The following SGCG variants were observed in gnomAD, a reference collection of about 807,000 sequenced individuals.
The protein encoded by SGCG is gamma-sarcoglycan.
SGCG carries 26 observed loss-of-function variants against 29.3 expected under a neutral mutation model. That is an observed-to-expected ratio of 0.89 (90% CI 0.65 to 1.23). The LOEUF is 1.23. SGCG is among the 50% of genes most tolerant of loss of function. The pLI, the probability that SGCG is intolerant of heterozygous loss-of-function variation, is 0.00. For synonymous variants in SGCG, 145 were observed against 129.7 expected, an observed-to-expected ratio of 1.12 and a Z score of -0.80; for missense variants, 353 against 356.0, an observed-to-expected ratio of 0.99 and a Z score of 0.07.
chr13:23,191,951 G>A (rs1387949117), intron 1 of SGCG, among the ~76,000 whole-genome samples: 2 of 152,082 alleles, frequency 1.3e-5, no homozygotes, highest in East Asian at 1.9e-4. Context: ...TTAGGTGGGC[G>A]GATCACGAGG....
intron 2 of SGCG, among the ~76,000 whole-genome samples, chr13:23,207,463 T>C (rs1162480086): frequency 6.6e-6 from 1 of 152,050 alleles, no homozygotes; most frequent in Admixed American, 6.6e-5. Flanking sequence ...AATAGACAAA[T>C]GGGACTACAT....
intron 3 of SGCG, among the ~76,000 whole-genome samples, chr13:23,242,045 T>G (rs1879534161): frequency 6.6e-6 from 1 of 152,280 alleles, no homozygotes; most frequent in Admixed American, 6.5e-5. Flanking sequence ...CTGAATATTT[T>G]AAAAAGAGAG....
chr13:23,269,265 A>G (rs991337631), intron 4 of SGCG: 1 of 152,252 alleles, frequency 6.6e-6, no homozygotes, highest in African/African-American at 2.4e-5. Context: ...AAGTACAGAG[A>G]TAAGATATTT....
At chr13:23,167,193 C>G in the SGCG span, among the ~76,000 whole-genome samples, 352 of 152,320 alleles carry the variant, frequency 2.3e-3, 2 homozygotes, top group African/African-American at 7.6e-3. Flanking sequence ...ACATAATGTT[C>G]TCCTGTTCCA....
chr13:23,251,305 G>T (rs913555323), intron 4 of SGCG, among the ~76,000 whole-genome samples: 1 of 152,128 alleles, frequency 6.6e-6, no homozygotes, highest in Non-Finnish European at 1.5e-5. Context: ...ACTCTAATTA[G>T]CCCAATTCAT....
chr13:23,173,354 T>G, the SGCG span, among the ~76,000 whole-genome samples: 1 of 152,158 alleles, frequency 6.6e-6, no homozygotes, highest in Non-Finnish European at 1.5e-5. Context: ...ACAGATGAGG[T>G]GCATAAATCC....
chr13:23,196,569 G>A (rs145646635), intron 1 of SGCG, among the ~76,000 whole-genome samples: 26 of 152,180 alleles, frequency 1.7e-4, no homozygotes, highest in African/African-American at 5.8e-4. Context: ...TATTCGTCAC[G>A]TGTATTTCTT....
intron 4 of SGCG, chr13:23,268,072 T>A (rs1425105816): frequency 6.5e-6 from 1 of 153,426 alleles, no homozygotes; most frequent in Non-Finnish European, 1.5e-5. Context: ...TGGAGAGCTG[T>A]AAGGAGAGGT....
intron 6 of SGCG, among the ~76,000 whole-genome samples, chr13:23,316,234 G>A (rs1252086137): frequency 6.6e-6 from 1 of 152,310 alleles, no homozygotes; most frequent in East Asian, 1.9e-4. Context: ...GAAGGGCAGA[G>A]GTTTGTCCTC....
chr13:23,246,663 T>A (rs1235006793), intron 3 of SGCG: 1 of 217,844 alleles, frequency 4.6e-6, no homozygotes, highest in African/African-American at 2.3e-5. Context: ...CCCAAGTCTG[T>A]GGCATTTGGA....
At chr13:23,242,394 G>C (rs1304602313) in intron 3 of SGCG, among the ~76,000 whole-genome samples, 1 of 151,662 alleles carries the variant, frequency 6.6e-6, no homozygotes, top group Non-Finnish European at 1.5e-5. Context: ...TCTATCTTTG[G>C]GCCATACCAA....
chr13:23,202,048 C>G (rs1340190801), intron 1 of SGCG, among the ~76,000 whole-genome samples: 1 of 152,144 alleles, frequency 6.6e-6, no homozygotes, highest in Admixed American at 6.5e-5. Flanking sequence ...AGGGGCAGAC[C>G]AAGTCCAGGA....
At chr13:23,304,506 T>C (rs918983246) in intron 6 of SGCG, among the ~76,000 whole-genome samples, 4 of 152,146 alleles carry the variant, frequency 2.6e-5, no homozygotes, top group Admixed American at 6.5e-5. Context: ...AATGTCTCTA[T>C]ACACTTGGGG....
At chr13:23,240,561 T>A (rs563524719) in intron 3 of SGCG, among the ~76,000 whole-genome samples, 1 of 152,218 alleles carries the variant, frequency 6.6e-6, no homozygotes, top group Admixed American at 6.5e-5. Flanking sequence ...ATAGATCATA[T>A]TTTGAACCAT....
chr13:23,192,019 C>CA (rs1382326044), intron 1 of SGCG, among the ~76,000 whole-genome samples: 3 of 151,618 alleles, frequency 2.0e-5, no homozygotes, highest in Non-Finnish European at 2.9e-5. Context: ...ACTGAAAATA[C>CA]AAAAAATAAG....
At position 23,324,881 on chromosome 13, in the gene SGCG, A is replaced by C. The variant is rs2137534947; in HGVS notation, c.*340A>C. Reference sequence around the variant, plus strand: ...GAGTGTTGAGTTGCCGTGTGGAGTTAATGTATGACGCTCCACTGTGGATAT... The same window carrying C: ...GAGTGTTGAGTTGCCGTGTGGAGTTCATGTATGACGCTCCACTGTGGATAT... On this transcript the variant is annotated 3_prime_UTR_variant, in exon 8 of 8. Transcript: ENST00000218867. 1 of 369,726 alleles carries C rather than the reference A, an allele frequency of 2.7e-6. No individual in the cohort carries two copies. The highest frequency in any genetic ancestry group is 2.1e-5 in the South Asian group (1 of 47,266). 22.9% of individuals were successfully genotyped at this position (369,726 alleles called of 1,614,324 possible). A position where few individuals can be genotyped will look rare whatever the true frequency, so the allele number is the denominator to read the frequency against.
At chr13:23,182,409 T>C (rs972272447) in intron 1 of SGCG, among the ~76,000 whole-genome samples, 9 of 152,090 alleles carry the variant, frequency 5.9e-5, no homozygotes, top group Admixed American at 5.9e-4. Context: ...ACTCTGCTAC[T>C]CTCCTGCTCC....
chr13:23,220,973 G>A (rs1388525917), intron 2 of SGCG, among the ~76,000 whole-genome samples: 1 of 152,078 alleles, frequency 6.6e-6, no homozygotes, highest in Non-Finnish European at 1.5e-5. Context: ...ACATTGAGAG[G>A]AAATTTTATA....
intron 5 of SGCG, among the ~76,000 whole-genome samples, chr13:23,285,539 C>T (rs1484644221): frequency 6.6e-6 from 1 of 152,216 alleles, no homozygotes; most frequent in African/African-American, 2.4e-5. Context: ...TCTTAGCTTA[C>T]TAGGCTCCAT....
Sources: allele counts gnomAD v4.1 joint callset (sites outside exome capture counted in the v4.1 genomes callset), GRCh38; gene constraint gnomAD v4.1.1; transcripts MANE v1.5; gene names NCBI Gene and HGNC (gene_info 2026-07-23, HGNC 2026-07-21).